SCAF11: variants seen among roughly 807,000 people sequenced by gnomAD.
SCAF11 encodes SR-related CTD associated factor 11, also known as protein SCAF11.
Under a neutral mutation model 140.5 loss-of-function variants are expected in SCAF11, and 47 were observed. The observed-to-expected ratio is 0.33, with a 90% CI of 0.26 to 0.43. The LOEUF (loss-of-function observed/expected upper bound fraction) is 0.43, where lower values mean the gene tolerates loss of function less well. Among genes scored for constraint, SCAF11 ranks in the 20% least tolerant of loss-of-function variants. The pLI is 1.00. For missense variants in SCAF11, 1,645 were observed against 1,705.1 expected (o/e 0.96, Z 0.62); for synonymous variants, 557 against 579.4 (o/e 0.96, Z 0.55).
intron 5 of SCAF11, 139 bp from the exon 6 acceptor site, chr12:45,945,452 G>T: frequency 1.7e-6 from 1 of 576,094 alleles, no homozygotes; most frequent in Non-Finnish European, 3.0e-6. Flanking sequence ...CTGGTAAATG[G>T]TTTAAGGATA....
At chr12:45,953,765 G>T in intron 3 of SCAF11, 1 of 402,264 alleles carries the variant, frequency 2.5e-6, no homozygotes, top group Non-Finnish European at 4.6e-6. Context: ...ATAAACTCGA[G>T]CAAGTTACAG....
intron 1 of SCAF11, among the ~76,000 whole-genome samples, chr12:45,967,962 C>T (rs1945989061): frequency 6.6e-6 from 1 of 152,184 alleles, no homozygotes; most frequent in African/African-American, 2.4e-5. Context: ...GACAGGAACA[C>T]AGTAATACCA....
In SCAF11 at chr12:45,926,852, T is replaced by G. The variant is rs1944879193; in HGVS notation, c.2849A>C (p.Lys950Thr). ...RSPSRCRTKS[K>T]SSSFGRIDRD... The stretch of plus-strand genomic sequence containing the variant: ...GTCAATTCTACCAAATGATGAACTC[T>G]TACTTTTTGTTCTACATCTTGAGGG... The change falls in exon 11 of 15, where the codon AAG becomes ACG. Residue 950 changes from lysine to threonine, a missense_variant. Physicochemically the swap from Lys to Thr is moderately conservative, Grantham distance 78. Coordinates refer to ENST00000369367, the MANE Select transcript of SCAF11 (RefSeq NM_004719.3). 6.2e-6 allele frequency: 10 copies of G among 1,614,156 alleles called. No homozygotes were observed. The East Asian group carries it at 2.2e-4, about 36-fold the overall frequency.
chr12:45,928,345 C>T lies in SCAF11; in HGVS notation c.1356G>A (p.Glu452=). The T allele has an allele frequency of 6.2e-7, 1 of 1,614,038 alleles. No individual in the cohort carries two copies. Among genetic ancestry groups the T allele is most frequent in the Non-Finnish European group, 8.5e-7 (1 of 1,180,004 alleles). Residue 452 remains glutamate (E), a synonymous_variant, in exon 11 of 15, where the codon GAG becomes GAA. Transcript: ENST00000369367. ...QSANCLKSCN[E]QIEESEKHTA... is the part of the protein sequence containing the mutation. ...TATGCTTCTCACTTTCTTCTATTTG[C>T]TCATTGCAACTTTTCAAGCAATTAG...
At chr12:45,991,349 G>T (rs1231605335), upstream of SCAF11, among the ~76,000 whole-genome samples, 2 of 152,196 alleles carry the variant, frequency 1.3e-5, no homozygotes, top group Non-Finnish European at 2.9e-5. Context: ...CGGATCGCTT[G>T]AGCTCAGCAG....
At chr12:45,958,760 A>G (rs906205801) in intron 3 of SCAF11, among the ~76,000 whole-genome samples, 4 of 152,210 alleles carry the variant, frequency 2.6e-5, no homozygotes, top group African/African-American at 9.7e-5. Flanking sequence ...TGCCCTAAGT[A>G]AAGAGGATTC....
intron 6 of SCAF11, among the ~76,000 whole-genome samples, chr12:45,937,021 T>C (rs1006553440): frequency 1.4e-4 from 21 of 152,234 alleles, no homozygotes; most frequent in Non-Finnish European, 4.4e-5. Context: ...CTCAGACTTC[T>C]AGAACTTTAT....
chr12:45,952,998 A>C (rs1474728240), intron 3 of SCAF11, among the ~76,000 whole-genome samples: 1 of 152,244 alleles, frequency 6.6e-6, no homozygotes, highest in Admixed American at 6.5e-5. Context: ...CACAAAGCTC[A>C]CAAGTCACTT....
At chr12:45,942,752 CTT>C (rs1276090116) in intron 6 of SCAF11, among the ~76,000 whole-genome samples, 2 of 152,228 alleles carry the variant, frequency 1.3e-5, no homozygotes, top group Admixed American at 6.5e-5. Flanking sequence ...TTCCCTAACA[CTT>C]TAAATAAACG....
chr12:45,972,897 T>TATATATAGATATATAG (rs1565688754), intron 1 of SCAF11, among the ~76,000 whole-genome samples: 3,634 of 64,758 alleles, frequency 0.056, 650 homozygotes, highest in African/African-American at 0.2. Flanking sequence ...TATATAGATA[T>TATATATAGATATATAG]ATATATATAT....
chr12:45,951,925 T>C (rs761867594), intron 3 of SCAF11, among the ~76,000 whole-genome samples, 198 bp from the exon 4 acceptor site: 1 of 152,202 alleles, frequency 6.6e-6, no homozygotes, highest in African/African-American at 2.4e-5. Context: ...AATACAATGA[T>C]GAACGAGACA....
chr12:45,981,554 A>T (rs1946351412), intron 1 of SCAF11, among the ~76,000 whole-genome samples: 1 of 152,206 alleles, frequency 6.6e-6, no homozygotes, highest in Admixed American at 6.5e-5. Flanking sequence ...TCCTTGAATA[A>T]ATACGTTTTT....
Position 45,928,379 on chromosome 12 carries a change from T to C in SCAF11, c.1322A>G (p.Asn441Ser). The C allele has an allele frequency of 6.2e-7, 1 of 1,614,162 alleles. No individual in the cohort carries two copies. The highest frequency in any genetic ancestry group is 8.5e-7 in the Non-Finnish European group (1 of 1,180,018). ...ACTTTTCAAGCAATTAGCAGACTGG[T>C]TTTCTACATGAGTCTGCACAGTACA... ...NICTVQTHVENQSANCLKSCN... is the reference protein window; with the variant it reads ...NICTVQTHVESQSANCLKSCN... The change falls in exon 11 of 15, where the codon AAC becomes AGC. Residue 441 changes from asparagine (N) to serine (S), a missense_variant. Coordinates refer to ENST00000369367, the MANE Select transcript of SCAF11 (RefSeq NM_004719.3).
At chr12:45,948,372 C>CT (rs1234671572) in intron 5 of SCAF11, 65 bp downstream of exon 5, 4 of 1,042,538 alleles carry the variant, frequency 3.8e-6, no homozygotes, top group African/African-American at 3.2e-5. Flanking sequence ...TTTTTAATAC[C>CT]TTTTTTGTAC....
At chr12:45,935,406 G>A (rs1305760520) in intron 6 of SCAF11, among the ~76,000 whole-genome samples, 1 of 152,130 alleles carries the variant, frequency 6.6e-6, no homozygotes, top group Non-Finnish European at 1.5e-5. Flanking sequence ...GCTGAGTTCC[G>A]GAACTTACTG....
At chr12:45,968,905 G>A (rs558853181) in intron 1 of SCAF11, among the ~76,000 whole-genome samples, 31 of 152,248 alleles carry the variant, frequency 2.0e-4, no homozygotes, top group East Asian at 1.5e-3. Context: ...CAGCCTGGGC[G>A]ACAGAGCGAG....
rs766212587 is a variant in SCAF11, at chr12:45,961,866, G to A, written c.62-9C>T. The A allele has an allele frequency of 3.8e-6, 6 of 1,593,244 alleles. No homozygotes were observed. In the Admixed American group the frequency reaches 5.3e-5, roughly 14 times the overall value. On this transcript the variant is annotated splice_polypyrimidine_tract_variant and intron_variant, in intron 2 of 14. Coordinates refer to ENST00000369367, the MANE Select transcript of SCAF11 (RefSeq NM_004719.3). Reference sequence around the variant, plus strand: ...ATCTCCGTTTTCTTCACCTGTTAAAGTAAAACAGCCATATGTGCTTTCAAG... The same window carrying A: ...ATCTCCGTTTTCTTCACCTGTTAAAATAAAACAGCCATATGTGCTTTCAAG...
Position 45,923,112 on chromosome 12 carries a change from G to T in SCAF11, c.3949C>A (p.Pro1317Thr). Residue 1317 changes from proline to threonine, a missense_variant, in exon 13 of 15, where the codon CCA becomes ACA. Transcript: ENST00000369367. ...GCTGCTGTCGGAGCAGGCAAAACTG[G>T]TGTACTCATGTTATTACTTACATGA... ...SSHVSNNMST[P>T]VLPAPTAAPG... 4 of 1,614,052 alleles carry T rather than the reference G, an allele frequency of 2.5e-6. No individual in the cohort carries two copies. Among genetic ancestry groups the T allele is most frequent in the Non-Finnish European group, 3.4e-6 (4 of 1,179,990 alleles).
chr12:45,919,756 T>C lies in SCAF11; in HGVS notation c.*2292A>G, dbSNP rs887076036. ...GACATGGAACACACACTTGTTACTG[T>C]CACGGAAATAATTCATGGGAGTGCT... On this transcript the variant is annotated 3_prime_UTR_variant, in exon 15 of 15. Transcript: ENST00000369367. The C allele has an allele frequency of 6.6e-6, 1 of 152,234 alleles. No homozygotes were observed. Among genetic ancestry groups the C allele is most frequent in the African/African-American group, 2.4e-5 (1 of 41,450 alleles). The allele number at this position is 152,234 out of a possible 1,614,324, so 9.4% of individuals were successfully genotyped here. A position where few individuals can be genotyped will look rare whatever the true frequency, so the allele number is the denominator to read the frequency against.
Sources: allele counts gnomAD v4.1 joint callset (sites outside exome capture counted in the v4.1 genomes callset), GRCh38; gene constraint gnomAD v4.1.1; transcripts MANE v1.5; gene names NCBI Gene and HGNC (gene_info 2026-07-23, HGNC 2026-07-21).